Variants in HCRTR2 observed in about 807,000 individuals in gnomAD.
HCRTR2 encodes the protein hypocretin receptor 2.
Under a neutral mutation model 49.0 loss-of-function variants are expected in HCRTR2, and 22 were observed. The ratio of observed to expected loss-of-function variants is 0.45; its 90% CI spans 0.32 to 0.64. The LOEUF (loss-of-function observed/expected upper bound fraction) is 0.64. Among genes scored for constraint, HCRTR2 ranks in the 30% least tolerant of loss-of-function variants. HCRTR2 has a pLI of 0.04. For missense variants in HCRTR2, 491 were observed against 559.4 expected (o/e 0.88, Z 1.23); for synonymous variants, 236 against 205.3 (o/e 1.15, Z -1.28).
chr6:55,118,027 A>C lies in HCRTR2; in HGVS notation c.-378+11482A>C, dbSNP rs1764142697. Reference sequence around the variant, plus strand: ...GTATTAAGCCTAGTATCCACTTGTTATTTTTCCTGATCCTGTCCCTCCTCT... The same window carrying C: ...GTATTAAGCCTAGTATCCACTTGTTCTTTTTCCTGATCCTGTCCCTCCTCT... On this transcript the variant is annotated intron_variant, in intron 1 of 7. Coordinates refer to the HCRTR2 transcript ENST00000615358. Among the ~76,000 whole-genome samples the C allele has an allele frequency of 2.0e-5, 3 of 151,506 alleles. No individual in the cohort carries two copies. In the South Asian group the frequency reaches 6.2e-4, roughly 31 times the overall value.
chr6:55,209,882 C>G (rs1007376501), intron 1 of HCRTR2, among the ~76,000 whole-genome samples: 2 of 152,016 alleles, frequency 1.3e-5, no homozygotes, highest in Non-Finnish European at 2.9e-5. Flanking sequence ...AGTTTATTTA[C>G]AAAACATTTA....
chr6:55,265,739 C>T (rs1330593169), intron 4 of HCRTR2, among the ~76,000 whole-genome samples: 1 of 152,002 alleles, frequency 6.6e-6, no homozygotes, highest in Non-Finnish European at 1.5e-5. Flanking sequence ...ACACAAGGGC[C>T]AGACTGCATG....
rs761847140 is a variant in HCRTR2, at chr6:55,282,423, C to T, written c.1304C>T (p.Ala435Val). The change falls in exon 7 of 7, where the codon GCC (alanine) becomes GTC (valine). Residue 435 changes from alanine (A) to valine (V), a missense_variant. By Grantham distance (64) the Ala-to-Val change is moderately conservative (BLOSUM62 0). Coordinates refer to ENST00000370862, the MANE Select transcript of HCRTR2 (RefSeq NM_001384272.1). ...VLTSISTLPA[A>V]NGAGPLQNW ...ACTAGCATAAGCACACTCCCAGCAG[C>T]CAATGGAGCAGGACCACTTCAAAAC... 6.2e-7 allele frequency: 1 copy of T among 1,605,994 alleles called. No homozygotes were observed. The highest frequency in any genetic ancestry group is 8.5e-7 in the Non-Finnish European group (1 of 1,172,964).
intron 1 of HCRTR2, among the ~76,000 whole-genome samples, chr6:55,111,163 G>A (rs1764043643): frequency 6.6e-6 from 1 of 151,224 alleles, no homozygotes; most frequent in Non-Finnish European, 1.5e-5. Flanking sequence ...AATGGATACA[G>A]CAAAATGGTG....
At chr6:55,124,312 A>G (rs532696640) in intron 1 of HCRTR2, among the ~76,000 whole-genome samples, 68 of 152,070 alleles carry the variant, frequency 4.5e-4, no homozygotes, top group African/African-American at 1.5e-3. Flanking sequence ...CTGGTATGTT[A>G]TGTCTTCATT....
At chr6:55,144,936 G>A (rs558826072) in intron 1 of HCRTR2, among the ~76,000 whole-genome samples, 2 of 152,150 alleles carry the variant, frequency 1.3e-5, no homozygotes, top group South Asian at 2.1e-4. Flanking sequence ...AAACTCGCCC[G>A]TGTTCTCCCT....
chr6:55,247,142 G>A (rs1158671980), intron 1 of HCRTR2, among the ~76,000 whole-genome samples: 3 of 151,926 alleles, frequency 2.0e-5, no homozygotes, highest in Non-Finnish European at 2.9e-5. Flanking sequence ...GTTTGTGTGT[G>A]TGTGAATATG....
At chr6:55,177,049 C>A (rs1765052785) in intron 1 of HCRTR2, among the ~76,000 whole-genome samples, 1 of 152,124 alleles carries the variant, frequency 6.6e-6, no homozygotes, top group African/African-American at 2.4e-5. Context: ...ATCCTAATTG[C>A]ATAGTTTAGG....
intron 1 of HCRTR2, among the ~76,000 whole-genome samples, chr6:55,157,114 A>T (rs565222866): frequency 1.3e-5 from 2 of 152,318 alleles, no homozygotes; most frequent in South Asian, 4.1e-4. Context: ...TTATACATGG[A>T]GAACTCCTAG....
chr6:55,254,942 A>C (rs1766621562), intron 2 of HCRTR2, among the ~76,000 whole-genome samples, 194 bp from the exon 3 acceptor site: 1 of 152,180 alleles, frequency 6.6e-6, no homozygotes, highest in Admixed American at 6.6e-5. Flanking sequence ...TTACATTTAA[A>C]AGTATATTTC....
intron 2 of HCRTR2, 136 bp from the exon 3 acceptor site, chr6:55,255,000 T>G: frequency 1.2e-6 from 1 of 833,988 alleles, no homozygotes; most frequent in Non-Finnish European, 1.9e-6. Context: ...AGAAAGCACT[T>G]GCATGGATTG....
chr6:55,259,792 T>C (rs1766720759), intron 3 of HCRTR2, among the ~76,000 whole-genome samples: 1 of 152,096 alleles, frequency 6.6e-6, no homozygotes, highest in Admixed American at 6.6e-5. Flanking sequence ...TTTTGTGTAG[T>C]TATATTCTAG....
rs1052347218 is a variant in HCRTR2, at chr6:55,226,575, C to T, written c.224-22064C>T. On this transcript the variant is annotated intron_variant, in intron 1 of 6. Coordinates refer to ENST00000370862, the MANE Select transcript of HCRTR2 (RefSeq NM_001384272.1). The stretch of plus-strand genomic sequence containing the variant: ...CTGCACACCTTGGCCTCCCAAAGTG[C>T]TGGGATTACAGGTGTGAGCCACTGA... Among the ~76,000 whole-genome samples the T allele has an allele frequency of 4.6e-5, 7 of 152,116 alleles. No homozygotes were observed. In the South Asian group the frequency reaches 1.5e-3, roughly 32 times the overall value.
chr6:55,176,136 G>A (rs1032137678), intron 1 of HCRTR2, among the ~76,000 whole-genome samples: 3 of 152,120 alleles, frequency 2.0e-5, no homozygotes, highest in African/African-American at 7.2e-5. Context: ...AAATCATCCC[G>A]AGTAGTCTCT....
chr6:55,132,751 CTT>C (rs35184458), intron 1 of HCRTR2, among the ~76,000 whole-genome samples: 41,234 of 139,726 alleles, frequency 0.3, 6,974 homozygotes, highest in African/African-American at 0.47. Flanking sequence ...CTCTCTCTCT[CTT>C]TTTTTTTTTT....
At chr6:55,189,765 C>T (rs978087944) in intron 1 of HCRTR2, among the ~76,000 whole-genome samples, 2 of 151,970 alleles carry the variant, frequency 1.3e-5, no homozygotes, top group East Asian at 1.9e-4. Flanking sequence ...CAAACCTGCA[C>T]GTCCTGCACA....
At chr6:55,196,226 T>G (rs1478320952) in intron 1 of HCRTR2, among the ~76,000 whole-genome samples, 1 of 152,142 alleles carries the variant, frequency 6.6e-6, no homozygotes, top group African/African-American at 2.4e-5. Flanking sequence ...TTCATGTATA[T>G]GGTGGGGTGG....
At chr6:55,219,547 A>G (rs1396589259) in intron 1 of HCRTR2, among the ~76,000 whole-genome samples, 1 of 152,188 alleles carries the variant, frequency 6.6e-6, no homozygotes, top group African/African-American at 2.4e-5. Flanking sequence ...AAATTTATGG[A>G]ATGCAACAAA....
At chr6:55,205,037 CA>C (rs1423627840) in intron 1 of HCRTR2, among the ~76,000 whole-genome samples, 1 of 152,116 alleles carries the variant, frequency 6.6e-6, no homozygotes, top group Non-Finnish European at 1.5e-5. Context: ...CTCAGACTCC[CA>C]AAGTTCTGGG....
Sources: allele counts gnomAD v4.1 joint callset (sites outside exome capture counted in the v4.1 genomes callset), GRCh38; gene constraint gnomAD v4.1.1; transcripts MANE v1.5; gene names NCBI Gene and HGNC (gene_info 2026-07-23, HGNC 2026-07-21).